FANCC: variants seen among roughly 807,000 people sequenced by gnomAD.
FANCC encodes the protein Fanconi anemia group C protein.
Under a neutral mutation model 71.3 loss-of-function variants are expected in FANCC, and 55 were observed. The ratio of observed to expected loss-of-function variants is 0.77; its 90% confidence interval spans 0.62 to 0.97. FANCC has a LOEUF of 0.97. Ranked by LOEUF, FANCC falls within the 50% of genes least tolerant of loss-of-function variation. The pLI is 0.00. For synonymous variants in FANCC, 275 were observed against 244.9 expected (o/e 1.12, Z -1.15); for missense variants, 678 against 670.9 (o/e 1.01, Z -0.12).
intron 6 of FANCC, among the ~76,000 whole-genome samples, chr9:95,169,733 C>G (rs1227385581): frequency 6.6e-6 from 1 of 152,150 alleles, no homozygotes; most frequent in Non-Finnish European, 1.5e-5. Context: ...TTCTGTAGTT[C>G]TCACTATAAT....
At chr9:95,113,050 G>A (rs1031202583) in intron 12 of FANCC, among the ~76,000 whole-genome samples, 23 of 152,212 alleles carry the variant, frequency 1.5e-4, no homozygotes, top group African/African-American at 4.6e-4. Context: ...TCCTGTCCCC[G>A]AGTTAAGATT....
At chr9:95,137,947 A>T (rs780420359) in intron 7 of FANCC, among the ~76,000 whole-genome samples, 7 of 152,266 alleles carry the variant, frequency 4.6e-5, no homozygotes, top group Non-Finnish European at 7.3e-5. Flanking sequence ...ACAGGACTTC[A>T]GAGGACTGGC....
chr9:95,128,970 T>C (rs1729874386), intron 8 of FANCC, among the ~76,000 whole-genome samples: 1 of 151,992 alleles, frequency 6.6e-6, no homozygotes, highest in African/African-American at 2.4e-5. Flanking sequence ...AGTGGTGATC[T>C]TGGCTCACTG....
chr9:95,106,234 C>T (rs549995281), intron 14 of FANCC, among the ~76,000 whole-genome samples: 1 of 152,240 alleles, frequency 6.6e-6, no homozygotes, highest in East Asian at 1.9e-4. Context: ...CATCTCCCCA[C>T]ATGCCTACTG....
intron 1 of FANCC, among the ~76,000 whole-genome samples, chr9:95,287,069 T>C (rs1228497574): frequency 1.3e-5 from 2 of 152,094 alleles, no homozygotes; most frequent in Non-Finnish European, 2.9e-5. Flanking sequence ...CCAAGGACAA[T>C]TATAAGCACC....
intron 7 of FANCC, among the ~76,000 whole-genome samples, chr9:95,140,377 T>C (rs1387260404): frequency 2.0e-5 from 3 of 152,184 alleles, no homozygotes; most frequent in East Asian, 1.9e-4. Flanking sequence ...AGTGAGGCAG[T>C]TGTGTTTTCT....
chr9:95,269,484 C>G (rs557132054), intron 1 of FANCC, among the ~76,000 whole-genome samples: 1 of 152,282 alleles, frequency 6.6e-6, no homozygotes, highest in East Asian at 1.9e-4. Flanking sequence ...AAATTGAATA[C>G]AGAAGAAAAT....
intron 4 of FANCC, among the ~76,000 whole-genome samples, chr9:95,234,972 C>T (rs924130324): frequency 6.6e-6 from 1 of 152,188 alleles, no homozygotes; most frequent in African/African-American, 2.4e-5. Flanking sequence ...AGGGCCCACC[C>T]GTATTAGGAT....
At chr9:95,166,633 G>A (rs1831085316) in intron 6 of FANCC, among the ~76,000 whole-genome samples, 1 of 152,052 alleles carries the variant, frequency 6.6e-6, no homozygotes, top group Admixed American at 6.6e-5. Context: ...TGTACACTCA[G>A]CCCTCTATAT....
At chr9:95,107,403 C>G in intron 13 of FANCC, 134 bp from the exon 14 acceptor site, 1 of 962,536 alleles carries the variant, frequency 1.0e-6, no homozygotes, top group African/African-American at 1.6e-5. Flanking sequence ...AGCTAGGCAG[C>G]GGCCGAATTT....
At chr9:95,233,176 G>A (rs1830113352) in intron 4 of FANCC, among the ~76,000 whole-genome samples, 1 of 151,590 alleles carries the variant, frequency 6.6e-6, no homozygotes, top group Middle Eastern at 3.4e-3. Context: ...CCCCTATACA[G>A]GCAAATACAA....
rs1261467592 is a variant in FANCC, at chr9:95,099,142, G to A, written c.*2565C>T. 2.3e-5 allele frequency: 5 copies of A among 213,630 alleles called. No individual in the cohort carries two copies. The highest frequency in any genetic ancestry group is 2.1e-4 in the East Asian group (3 of 14,348). 13.2% of individuals were successfully genotyped at this position (213,630 alleles called of 1,614,324 possible). The stretch of plus-strand genomic sequence containing the variant: ...AGCTAAAAAATTCCACAGATGTCAC[G>A]GAGTCCAGGGGAATAACAGCCTGGT... On this transcript the variant is annotated 3_prime_UTR_variant, in exon 15 of 15. Coordinates refer to ENST00000289081, the MANE Select transcript of FANCC (RefSeq NM_000136.3).
At chr9:95,214,315 C>T (rs1041001064) in intron 4 of FANCC, among the ~76,000 whole-genome samples, 1 of 151,972 alleles carries the variant, frequency 6.6e-6, no homozygotes, top group Admixed American at 6.6e-5. Flanking sequence ...GCCTGTAGTC[C>T]CAGCTACTGA....
At chr9:95,243,757 G>A (rs1830772252) in intron 3 of FANCC, among the ~76,000 whole-genome samples, 1 of 152,176 alleles carries the variant, frequency 6.6e-6, no homozygotes, top group Non-Finnish European at 1.5e-5. Flanking sequence ...TCGCACCACT[G>A]CACTCCAGCC....
chr9:95,278,794 A>ATTAAGCAAGCATAAGTCTGAAAC (rs141077292), intron 1 of FANCC, among the ~76,000 whole-genome samples: 54 of 151,848 alleles, frequency 3.6e-4, no homozygotes, highest in African/African-American at 1.3e-3. Context: ...TATCACGGTA[A>ATTAAGCAAGCATAAGTCTGAAAC]TTATTCTACG....
At position 95,255,341 on chromosome 9, in the gene FANCC, C is replaced by T. The variant is rs548930994; in HGVS notation, c.-78-5972G>A. Among the ~76,000 whole-genome samples the T allele has an allele frequency of 5.3e-5, 8 of 152,134 alleles. No homozygotes were observed. The South Asian group carries it at 8.3e-4, about 16-fold the overall frequency. On this transcript the variant is annotated intron_variant, in intron 1 of 14. Transcript: ENST00000289081. ...GCAACTGGCGGGTGCCCCTCTGAGA[C>T]GAAGCTTCCAGAGGAAGGATCAGGC...
At chr9:95,271,774 T>C (rs1473200866) in intron 1 of FANCC, among the ~76,000 whole-genome samples, 1 of 151,858 alleles carries the variant, frequency 6.6e-6, no homozygotes, top group African/African-American at 2.4e-5. Context: ...GTTTCCACAT[T>C]AGGAGTTTCT....
intron 1 of FANCC, among the ~76,000 whole-genome samples, chr9:95,274,056 A>C (rs1832895798): frequency 6.6e-6 from 1 of 152,190 alleles, no homozygotes; most frequent in African/African-American, 2.4e-5. Context: ...TTAAGTTCTG[A>C]GATACATGTG....
chr9:95,309,475 A>C (rs2136409123), intron 1 of FANCC, among the ~76,000 whole-genome samples: 1 of 152,322 alleles, frequency 6.6e-6, no homozygotes, highest in South Asian at 2.1e-4. Flanking sequence ...AGATAGGCTA[A>C]GTAATCGTTA....
Sources: gnomAD v4.1 joint callset for allele counts (sites outside exome capture counted in the v4.1 genomes callset) on GRCh38, gnomAD v4.1.1 for gene constraint, MANE v1.5 for transcripts, NCBI Gene and HGNC (gene_info 2026-07-23, HGNC 2026-07-21) for gene names.